PTPRQ: variants seen among roughly 807,000 people sequenced by gnomAD.
The protein encoded by PTPRQ is protein tyrosine phosphatase receptor type Q.
Under a neutral mutation model 246.0 loss-of-function variants are expected in PTPRQ, and 199 were observed. The observed-to-expected ratio is 0.81, with a 90% CI of 0.72 to 0.91. The LOEUF (loss-of-function observed/expected upper bound fraction) is 0.91, where lower values mean the gene tolerates loss of function less well. Ranked by LOEUF, PTPRQ falls within the 40% of genes least tolerant of loss-of-function variation. The probability of loss-of-function intolerance (pLI) is 0.00; values close to 1 mark genes in which losing one functional copy is unlikely to be tolerated. For synonymous variants in PTPRQ, 869 were observed against 853.2 expected (o/e 1.02, Z -0.32); for missense variants, 2,624 against 2,528.4 (o/e 1.04, Z -0.81).
intron 26 of PTPRQ, among the ~76,000 whole-genome samples, chr12:80,597,187 AT>A (rs1359038402): frequency 6.6e-6 from 1 of 151,842 alleles, no homozygotes; most frequent in Non-Finnish European, 1.5e-5. Flanking sequence ...CTTGATTTTC[AT>A]TTTTCTTTAA....
rs1332964203 is a variant in PTPRQ at position 80,623,801 on chromosome 12, T to C, written c.5686+1667T>C. ...TCCGTCAGTTATCTGAGAGGCAAAG[T>C]TGAGACATTCAGGGTAATGGAAATG... On this transcript the variant is annotated intron_variant, in intron 33 of 44. Coordinates refer to ENST00000644991, the MANE Select transcript of PTPRQ (RefSeq NM_001145026.2). Among the ~76,000 whole-genome samples, 8 of 152,198 alleles carry C rather than the reference T, an allele frequency of 5.3e-5. 1 individual carries two copies. The highest frequency in any genetic ancestry group is 5.2e-4 in the Admixed American group (8 of 15,266).
intron 27 of PTPRQ, among the ~76,000 whole-genome samples, chr12:80,605,961 G>A (rs1208704825): frequency 6.6e-6 from 1 of 150,980 alleles, no homozygotes; most frequent in Non-Finnish European, 1.5e-5. Flanking sequence ...CTATAAAAGG[G>A]CAAGGAAAAA....
At chr12:80,474,138 A>C (rs149429577) in intron 8 of PTPRQ, among the ~76,000 whole-genome samples, 1 of 152,362 alleles carries the variant, frequency 6.6e-6, no homozygotes, top group East Asian at 1.9e-4. Context: ...AAAACTTTGA[A>C]ATAAATGGAT....
chr12:80,490,110 A>T (rs1894400089), intron 9 of PTPRQ, among the ~76,000 whole-genome samples: 1 of 151,990 alleles, frequency 6.6e-6, no homozygotes, highest in African/African-American at 2.4e-5. Flanking sequence ...ACATAAACGG[A>T]GTCAAGACTT....
chr12:80,534,498 G>A (rs1592624809), intron 18 of PTPRQ, among the ~76,000 whole-genome samples: 6 of 151,902 alleles, frequency 3.9e-5, no homozygotes, highest in South Asian at 2.1e-4. Flanking sequence ...TTTATTAAAC[G>A]AAACAACATA....
In PTPRQ at chr12:80,614,583, C is replaced by G. The variant is rs189533786; in HGVS notation, c.5163+747C>G. 3.0e-4 allele frequency among the ~76,000 whole-genome samples: 45 copies of G among 150,930 alleles called. No homozygotes were observed. The East Asian group carries it at 8.6e-3, about 29-fold the overall frequency. On this transcript the variant is annotated intron_variant, in intron 29 of 44. Transcript: ENST00000644991. ...TATAAAATGAATATATTTACTACTT[C>G]TCTCAGTCACTTTGACTTTATATCT...
At chr12:80,588,551 T>C (rs561487551) in intron 26 of PTPRQ, 99 bp downstream of exon 26, 3 of 1,232,312 alleles carry the variant, frequency 2.4e-6, no homozygotes, top group Non-Finnish European at 3.1e-6. Flanking sequence ...GTAAAATCAC[T>C]GAACATAGAA....
chr12:80,628,761 G>T (rs1014588509), intron 33 of PTPRQ, among the ~76,000 whole-genome samples: 1 of 152,010 alleles, frequency 6.6e-6, no homozygotes, highest in Non-Finnish European at 1.5e-5. Flanking sequence ...TAAATAGTAA[G>T]AATAATAAAT....
chr12:80,610,094 C>T (rs951793025), intron 27 of PTPRQ, among the ~76,000 whole-genome samples: 5 of 150,400 alleles, frequency 3.3e-5, no homozygotes, highest in African/African-American at 1.2e-4. Context: ...GATTTGAGGC[C>T]TGTGTGATTA....
chr12:80,453,031 A>C (rs1236795541), intron 3 of PTPRQ, among the ~76,000 whole-genome samples: 1 of 152,126 alleles, frequency 6.6e-6, no homozygotes, highest in Non-Finnish European at 1.5e-5. Context: ...GTCTTTTCAC[A>C]TAGTCCCGTA....
chr12:80,648,684 G>A (rs1385273542), intron 35 of PTPRQ, among the ~76,000 whole-genome samples: 3 of 151,884 alleles, frequency 2.0e-5, no homozygotes, highest in South Asian at 2.1e-4. Context: ...TTTTCAGCTC[G>A]AGAAAGAATG....
intron 33 of PTPRQ, among the ~76,000 whole-genome samples, chr12:80,630,484 A>G (rs1899385810): frequency 6.6e-6 from 1 of 152,150 alleles, no homozygotes; most frequent in Non-Finnish European, 1.5e-5. Flanking sequence ...GAAGTGTAGA[A>G]TATCTGATTG....
intron 3 of PTPRQ, among the ~76,000 whole-genome samples, chr12:80,449,001 AG>A (rs1430987762): frequency 6.6e-6 from 1 of 151,608 alleles, no homozygotes; most frequent in African/African-American, 2.4e-5. Flanking sequence ...ACAGTGTAAA[AG>A]TGTTCCTATT....
In PTPRQ at chr12:80,613,826, A is replaced by G; in HGVS notation, c.5153A>G (p.Tyr1718Cys). ...MLEGLKGGHTYNISVYAVNSA... is the reference protein window; with the variant it reads ...MLEGLKGGHTCNISVYAVNSA... ...GAAGGACTAAAAGGTGGACATACAT[A>G]CAATATCAGTGTAAGAATCCGTAGC... is the stretch of plus-strand genomic sequence containing the variant. Residue 1718 changes from tyrosine (Y) to cysteine (C), a missense_variant, in exon 29 of 45, where the codon TAC (tyrosine) becomes TGC (cysteine). Tyr to Cys is a radical substitution (Grantham distance 194). Coordinates refer to ENST00000644991, the MANE Select transcript of PTPRQ (RefSeq NM_001145026.2). The G allele has an allele frequency of 6.5e-7, 1 of 1,528,522 alleles. No individual in the cohort carries two copies. Among genetic ancestry groups the G allele is most frequent in the Non-Finnish European group, 8.8e-7 (1 of 1,135,620 alleles). 94.7% of individuals were successfully genotyped at this position (1,528,522 alleles called of 1,614,324 possible).
intron 42 of PTPRQ, among the ~76,000 whole-genome samples, chr12:80,672,309 ATG>A (rs1443376958): frequency 3.3e-5 from 5 of 149,634 alleles, no homozygotes; most frequent in South Asian, 2.1e-4. Flanking sequence ...GCTGTGTGGC[ATG>A]TATATATATA....
At chr12:80,644,101 T>G (rs775789436) in intron 35 of PTPRQ, among the ~76,000 whole-genome samples, 4 of 152,148 alleles carry the variant, frequency 2.6e-5, no homozygotes, top group Non-Finnish European at 4.4e-5. Flanking sequence ...CTAATTGACC[T>G]TGAGGGAAAG....
chr12:80,616,411 T>C (rs1898764474), intron 30 of PTPRQ, 145 bp downstream of exon 30: 1 of 642,996 alleles, frequency 1.6e-6, no homozygotes, highest in African/African-American at 2.0e-5. Flanking sequence ...TGTGTGGTTA[T>C]TAAAGCTATA....
intron 25 of PTPRQ, among the ~76,000 whole-genome samples, chr12:80,568,160 T>TTACAA (rs1193549062): frequency 6.6e-6 from 1 of 152,172 alleles, no homozygotes; most frequent in East Asian, 1.9e-4. Flanking sequence ...AAAAATTTTG[T>TTACAA]TACAATATTC....
At chr12:80,640,048 GTGTGTGTGTGTGTGTGTT>G (rs1396722783) in intron 35 of PTPRQ, among the ~76,000 whole-genome samples, 1 of 150,800 alleles carries the variant, frequency 6.6e-6, no homozygotes, top group Non-Finnish European at 1.5e-5. Flanking sequence ...GTGTGTGTGT[GTGTGTGTGTGTGTGTGTT>G]TAACTTCGAA....
Sources: gnomAD v4.1 joint callset for allele counts (sites outside exome capture counted in the v4.1 genomes callset) on GRCh38, gnomAD v4.1.1 for gene constraint, MANE v1.5 for transcripts, NCBI Gene and HGNC (gene_info 2026-07-23, HGNC 2026-07-21) for gene names.